Variants in NXNL2 observed in about 807,000 individuals in gnomAD.
The protein encoded by NXNL2 is nucleoredoxin-like protein 2.
A neutral mutation model predicts 11.1 loss-of-function variants in NXNL2; 7 were observed. The observed-to-expected ratio is 0.63, with a 90% confidence interval of 0.36 to 1.18. NXNL2 has a LOEUF of 1.18. Among genes scored for constraint, NXNL2 ranks in the 50% most tolerant of loss-of-function variants. NXNL2 has a pLI of 0.02. For synonymous variants in NXNL2, 109 were observed against 101.8 expected, an observed-to-expected ratio of 1.07 and a Z score of -0.42; for missense variants, 233 against 217.7, an observed-to-expected ratio of 1.07 and a Z score of -0.44.
intron 1 of NXNL2, among the ~76,000 whole-genome samples, chr9:88,553,025 C>T (rs1232472402): frequency 6.6e-6 from 1 of 152,222 alleles, no homozygotes; most frequent in African/African-American, 2.4e-5. Flanking sequence ...TATCCTTCCA[C>T]TCCACATGAA....
At chr9:88,557,604 C>G (rs1830035116) in intron 1 of NXNL2, among the ~76,000 whole-genome samples, 1 of 152,176 alleles carries the variant, frequency 6.6e-6, no homozygotes, top group South Asian at 2.1e-4. Flanking sequence ...ACAGCTAAGA[C>G]AGGAGGCAGG....
intron 1 of NXNL2, chr9:88,583,903 G>C (rs561042943): frequency 6.6e-6 from 1 of 152,316 alleles, no homozygotes; most frequent in African/African-American, 2.4e-5. Context: ...AACCAAATCA[G>C]CTGACACCTT....
rs189387832 is a variant in NXNL2, at chr9:88,583,395, C to T, written n.552-604C>T. 7.8e-3 allele frequency among the ~76,000 whole-genome samples: 1,183 copies of T among 152,320 alleles called. 14 individuals carry two copies. The highest frequency in any genetic ancestry group is 0.027 in the Admixed American group (416 of 15,300). Reference sequence around the variant, plus strand: ...CTCTGAATTCCTCCAATCCATAGCTCACTCTTCTTAGGTCGAGCAGGAATA... The same window carrying T: ...CTCTGAATTCCTCCAATCCATAGCTTACTCTTCTTAGGTCGAGCAGGAATA... On this transcript the variant is annotated intron_variant and non_coding_transcript_variant, in intron 1 of 1. Coordinates refer to the NXNL2 transcript ENST00000478686.
chr9:88,566,373 C>G (rs1037632863), intron 1 of NXNL2, among the ~76,000 whole-genome samples: 1 of 151,846 alleles, frequency 6.6e-6, no homozygotes, highest in African/African-American at 2.4e-5. Context: ...CAGCTCATGA[C>G]AACATGACAA....
rs771952052 is a variant in NXNL2 at position 88,535,635 on chromosome 9, G to T, written c.201G>T (p.Val67=). ...CGCGGCGGCCCGCGCCCTTCGAAGT[G>T]GTCTTCGTGTCAGCCGACGGCAGCT... ...AEARRPAPFE[V]VFVSADGSSQ... The change falls in exon 1 of 2, where the codon GTG becomes GTT. Residue 67 remains valine, a synonymous_variant. Transcript: ENST00000375854. 6.2e-7 allele frequency: 1 copy of T among 1,609,110 alleles called. No individual in the cohort carries two copies. The highest frequency in any genetic ancestry group is 8.5e-7 in the Non-Finnish European group (1 of 1,179,446).
chr9:88,535,762 G>A (rs1829601794), intron 1 of NXNL2, 26 bp downstream of exon 1: 1 of 1,518,436 alleles, frequency 6.6e-7, no homozygotes, highest in Non-Finnish European at 8.8e-7. Flanking sequence ...GGGGGGGCGG[G>A]GGCCGCCCGG....
downstream of NXNL2, among the ~76,000 whole-genome samples, chr9:88,548,914 C>A (rs1829888669): frequency 6.6e-6 from 1 of 151,920 alleles, no homozygotes; most frequent in Admixed American, 6.6e-5. Context: ...TAGGAGAGAC[C>A]CTTACCCCTT....
intron 1 of NXNL2, among the ~76,000 whole-genome samples, chr9:88,583,101 A>C (rs1469461049): frequency 6.6e-6 from 1 of 151,936 alleles, no homozygotes; most frequent in Non-Finnish European, 1.5e-5. Context: ...CAGCTAGGAC[A>C]CCTTGATGCT....
At position 88,535,539 on chromosome 9, in the gene NXNL2, G is replaced by T; in HGVS notation, c.105G>T (p.Ala35=). 1 of 1,606,542 alleles carries T rather than the reference G, an allele frequency of 6.2e-7. No individual in the cohort carries two copies. ...QNKVVALYFA[A]ARCAPSRDFT... ...AGGTGGTGGCACTGTACTTCGCGGC[G>T]GCCCGGTGCGCGCCGAGCCGCGACT... The change falls in exon 1 of 2, where the codon GCG becomes GCT. Residue 35 remains alanine, a synonymous_variant. Transcript: ENST00000375854.
At chr9:88,576,899 G>A (rs955282151), downstream of NXNL2, among the ~76,000 whole-genome samples, 1 of 152,126 alleles carries the variant, frequency 6.6e-6, no homozygotes, top group South Asian at 2.1e-4. Context: ...TGCTTAAGGG[G>A]CTCCAACACT....
intron 1 of NXNL2, among the ~76,000 whole-genome samples, chr9:88,564,064 A>G (rs1830127491): frequency 6.6e-6 from 1 of 151,982 alleles, no homozygotes; most frequent in Non-Finnish European, 1.5e-5. Context: ...TAAAAAAATT[A>G]GCTGGGCGTG....
intron 2 of NXNL2, among the ~76,000 whole-genome samples, chr9:88,572,973 C>A (rs1477982854): frequency 2.0e-5 from 3 of 152,148 alleles, no homozygotes; most frequent in African/African-American, 7.2e-5. Flanking sequence ...AAATTAGCAC[C>A]CTGTGTGGGC....
At chr9:88,551,140 C>A (rs114120126) in intron 1 of NXNL2, among the ~76,000 whole-genome samples, 53 of 152,288 alleles carry the variant, frequency 3.5e-4, no homozygotes, top group African/African-American at 1.2e-3. Context: ...TTTCATGATG[C>A]CTTAGCAAGC....
rs141277073 is a variant in NXNL2, at chr9:88,551,666, C to T, written c.302+15930C>T. ...TCCCCTTCCCCTTCCCCTGTTGCTT[C>T]TCTCTCCTGTTTATTTTGGGAGGGA... On this transcript the variant is annotated intron_variant, in intron 1 of 2. Transcript: ENST00000375855. Among the ~76,000 whole-genome samples the T allele has an allele frequency of 8.7e-3, 1,323 of 152,264 alleles. 27 individuals carry two copies. The highest frequency in any genetic ancestry group is 0.03 in the African/African-American group (1,253 of 41,554).
At chr9:88,568,144 C>T (rs1025736845) in intron 1 of NXNL2, among the ~76,000 whole-genome samples, 2 of 152,190 alleles carry the variant, frequency 1.3e-5, no homozygotes, top group African/African-American at 4.8e-5. Flanking sequence ...ACAGAATTCC[C>T]TATAGCCCAG....
chr9:88,574,613 T>G (rs917756763), intron 2 of NXNL2, among the ~76,000 whole-genome samples: 1 of 152,212 alleles, frequency 6.6e-6, no homozygotes, highest in East Asian at 1.9e-4. Flanking sequence ...AGAGATGATG[T>G]TGAGCTCTGT....
chr9:88,535,692 G>T lies in NXNL2; in HGVS notation c.258G>T (p.Leu86=). 1 of 1,599,992 alleles carries T rather than the reference G, an allele frequency of 6.3e-7. No homozygotes were observed. Among genetic ancestry groups the T allele is most frequent in the Non-Finnish European group, 8.5e-7 (1 of 1,176,058 alleles). The change falls in exon 1 of 2, where the codon CTG becomes CTT. Residue 86 remains leucine, a synonymous_variant. Coordinates refer to ENST00000375854, the MANE Select transcript of NXNL2 (RefSeq NM_001161625.2). ...AGATGCTGGACTTCATGCGCGAGCTGCATGGCGCCTGGCTGGCGCTGCCCT... is the reference window on the plus strand; with the variant it reads ...AGATGCTGGACTTCATGCGCGAGCTTCATGGCGCCTGGCTGGCGCTGCCCT... The part of the protein sequence containing the change: ...SQEMLDFMRE[L]HGAWLALPFH...
At chr9:88,579,751 G>A (rs998728481), downstream of NXNL2, among the ~76,000 whole-genome samples, 3 of 152,122 alleles carry the variant, frequency 2.0e-5, no homozygotes, top group African/African-American at 7.2e-5. Flanking sequence ...GAGAGAAGGG[G>A]GTGAGTGGGT....
intron 1 of NXNL2, among the ~76,000 whole-genome samples, chr9:88,541,251 T>C (rs1829754277): frequency 6.7e-6 from 1 of 148,624 alleles, no homozygotes; most frequent in African/African-American, 2.5e-5. Flanking sequence ...TCTTTTTCCT[T>C]GCTCAATCTC....
Sources: allele counts gnomAD v4.1 joint callset (sites outside exome capture counted in the v4.1 genomes callset), GRCh38; gene constraint gnomAD v4.1.1; transcripts MANE v1.5; gene names NCBI Gene and HGNC (gene_info 2026-07-23, HGNC 2026-07-21).